Variants in ZC3H12B observed in about 807,000 individuals in gnomAD.
ZC3H12B encodes the protein zinc finger CCCH-type containing 12B.
In ZC3H12B, 7 loss-of-function variants were observed where a neutral mutation model predicts 43.9. That is an observed-to-expected ratio of 0.16 (90% CI 0.09 to 0.30). The LOEUF is 0.30. Among genes scored for constraint, ZC3H12B ranks in the 10% least tolerant of loss-of-function variants. ZC3H12B has a pLI of 1.00. For missense variants in ZC3H12B, 475 were observed against 670.2 expected (o/e 0.71, Z 3.22); for synonymous variants, 222 against 241.7 (o/e 0.92, Z 0.76).
chrX:65,150,600 G>A, the ZC3H12B span, among the ~76,000 whole-genome samples: 18 of 110,708 alleles, frequency 1.6e-4, no homozygotes, highest in African/African-American at 5.9e-4. Context: ...TTGGTTTTCT[G>A]TTCTTGTGTT....
chrX:65,184,486 T>C, the ZC3H12B span, among the ~76,000 whole-genome samples: 1 of 111,560 alleles, frequency 9.0e-6, no homozygotes, highest in African/African-American at 3.3e-5. Flanking sequence ...CTGTGAGATA[T>C]TGCAGAAGGT....
At chrX:65,237,204 G>A in the ZC3H12B span, among the ~76,000 whole-genome samples, 3 of 111,786 alleles carry the variant, frequency 2.7e-5, no homozygotes, top group East Asian at 8.4e-4. Flanking sequence ...CCATTTGTTT[G>A]TGTCCTCTCT....
At chrX:65,148,904 C>T in the ZC3H12B span, among the ~76,000 whole-genome samples, 2 of 111,740 alleles carry the variant, frequency 1.8e-5, no homozygotes, top group African/African-American at 6.5e-5. Flanking sequence ...ATGTCTGGAC[C>T]TGTCAGTGCT....
the ZC3H12B span, among the ~76,000 whole-genome samples, chrX:65,347,912 A>T: frequency 8.9e-6 from 1 of 112,468 alleles, no homozygotes; most frequent in Non-Finnish European, 1.9e-5. Context: ...AGCCATAAAA[A>T]AACGATGAAT....
intron 3 of ZC3H12B, among the ~76,000 whole-genome samples, chrX:65,478,700 C>T (rs1432382113): frequency 1.8e-5 from 2 of 112,420 alleles, no homozygotes; most frequent in African/African-American, 3.2e-5. Context: ...ACACTCTCAA[C>T]ACCTAGAAAG....
At chrX:65,186,883 A>C in the ZC3H12B span, among the ~76,000 whole-genome samples, 1 of 112,051 alleles carries the variant, frequency 8.9e-6, no homozygotes, top group Non-Finnish European at 1.9e-5. Flanking sequence ...TATATTGCTG[A>C]GTAGTATTCC....
chrX:65,054,940 A>G, the ZC3H12B span, among the ~76,000 whole-genome samples: 52 of 111,865 alleles, frequency 4.6e-4, no homozygotes, highest in Non-Finnish European at 9.2e-4. Context: ...TTGATTTTGT[A>G]TCCTGAGACT....
chrX:65,335,329 T>C, the ZC3H12B span, among the ~76,000 whole-genome samples: 1 of 111,418 alleles, frequency 9.0e-6, no homozygotes, highest in African/African-American at 3.3e-5. Flanking sequence ...CTTTTAACCA[T>C]AGTGCTTAAA....
At chrX:65,435,113 A>C (rs1027952170) in intron 3 of ZC3H12B, among the ~76,000 whole-genome samples, 1 of 111,594 alleles carries the variant, frequency 9.0e-6, no homozygotes, top group Non-Finnish European at 1.9e-5. Flanking sequence ...CATGATGAGG[A>C]ACTGTGTTTG....
chrX:65,421,799 A>C (rs2067020503), intron 3 of ZC3H12B, among the ~76,000 whole-genome samples: 1 of 111,076 alleles, frequency 9.0e-6, no homozygotes, highest in Non-Finnish European at 1.9e-5. Context: ...AATACAAAAA[A>C]TTAGCTGGGC....
the ZC3H12B span, among the ~76,000 whole-genome samples, chrX:65,288,166 A>G: frequency 1.8e-5 from 2 of 110,853 alleles, 1 homozygote; most frequent in South Asian, 7.5e-4. Flanking sequence ...ACTTAATAAT[A>G]AAATGTCTTC....
chrX:65,293,485 A>G, the ZC3H12B span, among the ~76,000 whole-genome samples: 1 of 110,471 alleles, frequency 9.1e-6, no homozygotes, highest in Non-Finnish European at 1.9e-5. Flanking sequence ...ATTACCAGCA[A>G]TGGATCCAAA....
chrX:65,197,261 G>A, the ZC3H12B span, among the ~76,000 whole-genome samples: 1 of 112,001 alleles, frequency 8.9e-6, no homozygotes, highest in Non-Finnish European at 1.9e-5. Flanking sequence ...AAAAAGCTGC[G>A]CCTTTACAAA....
chrX:65,370,723 C>A (rs776022510), intron 2 of ZC3H12B, among the ~76,000 whole-genome samples: 1 of 111,716 alleles, frequency 9.0e-6, no homozygotes, highest in Admixed American at 9.5e-5. Flanking sequence ...GAAAGAATTG[C>A]CTTCTAGGTC....
At chrX:65,226,777 G>C in the ZC3H12B span, among the ~76,000 whole-genome samples, 1 of 111,274 alleles carries the variant, frequency 9.0e-6, no homozygotes, top group Non-Finnish European at 1.9e-5. Flanking sequence ...GATCAAAAGA[G>C]ACAAAGAAGA....
At chrX:65,127,287 G>A in the ZC3H12B span, among the ~76,000 whole-genome samples, 2 of 111,987 alleles carry the variant, frequency 1.8e-5, no homozygotes, top group East Asian at 5.7e-4. Context: ...GTCTAGCCAT[G>A]CAGCAGAGCT....
chrX:65,481,109 T>G (rs1377905013), intron 3 of ZC3H12B, among the ~76,000 whole-genome samples: 1 of 110,443 alleles, frequency 9.1e-6, no homozygotes, highest in Admixed American at 9.7e-5. Flanking sequence ...AATCTTGACC[T>G]CACCATTGTC....
At chrX:65,200,536 G>A in the ZC3H12B span, among the ~76,000 whole-genome samples, 2 of 102,423 alleles carry the variant, frequency 2.0e-5, no homozygotes, top group Non-Finnish European at 3.9e-5. Flanking sequence ...AGGTTCAAGC[G>A]ATTCTCCTAC....
At chrX:65,230,861 AG>A in the ZC3H12B span, among the ~76,000 whole-genome samples, 2 of 112,005 alleles carry the variant, frequency 1.8e-5, no homozygotes, top group South Asian at 3.7e-4. Flanking sequence ...CATTATCAAA[AG>A]TAACTACACA....
Sources: allele counts gnomAD v4.1 joint callset (sites outside exome capture counted in the v4.1 genomes callset), GRCh38; gene constraint gnomAD v4.1.1; transcripts MANE v1.5; gene names NCBI Gene and HGNC (gene_info 2026-07-23, HGNC 2026-07-21).